Variants in MAP2K5 observed in about 807,000 individuals in gnomAD.
MAP2K5 encodes dual specificity mitogen-activated protein kinase kinase 5.
MAP2K5 carries 49 observed loss-of-function variants against 83.1 expected under a neutral mutation model. The observed-to-expected ratio is 0.59, with a 90% CI of 0.47 to 0.75. MAP2K5 has a LOEUF of 0.75. Ranked by LOEUF, MAP2K5 falls within the 30% of genes least tolerant of loss-of-function variation. The pLI is 0.00. For missense variants in MAP2K5, 457 were observed against 557.5 expected, an observed-to-expected ratio of 0.82 and a Z score of 1.82; for synonymous variants, 202 against 191.8, an observed-to-expected ratio of 1.05 and a Z score of -0.44.
chr15:67,788,505 A>T (rs2090457875), intron 21 of MAP2K5, among the ~76,000 whole-genome samples: 1 of 152,206 alleles, frequency 6.6e-6, no homozygotes, highest in Admixed American at 6.5e-5. Context: ...AAACTTTAGT[A>T]CCCACTGCAT....
intron 14 of MAP2K5, 125 bp from the exon 15 acceptor site, chr15:67,693,393 G>T (rs2088164954): frequency 4.1e-6 from 3 of 724,904 alleles, no homozygotes; most frequent in African/African-American, 1.8e-5. Flanking sequence ...AGATAAATTT[G>T]TTCCCTTTTA....
At chr15:67,691,879 C>G (rs912162237) in intron 13 of MAP2K5, among the ~76,000 whole-genome samples, 8 of 152,172 alleles carry the variant, frequency 5.3e-5, no homozygotes, top group Non-Finnish European at 1.2e-4. Flanking sequence ...TAAGCACATG[C>G]ATGTACACAT....
rs2086381003 is a variant in MAP2K5, at chr15:67,628,518, G to C, written c.546-2370G>C. ...ATAAAAAATAAAAAAAAGACACTGAGGAATATCACCTAAGAGATTATTTTG... is the reference window on the plus strand; with the variant it reads ...ATAAAAAATAAAAAAAAGACACTGACGAATATCACCTAAGAGATTATTTTG... On this transcript the variant is annotated intron_variant, in intron 8 of 21. Transcript: ENST00000178640. The C allele has an allele frequency of 1.1e-5, 8 of 750,194 alleles. No individual in the cohort carries two copies. The Admixed American group carries it at 1.1e-4, about 10-fold the overall frequency. The allele number at this position is 750,194 out of a possible 1,614,324, so 46.5% of individuals were successfully genotyped here.
intron 12 of MAP2K5, chr15:67,658,846 G>T (rs1171782586): frequency 3.4e-6 from 2 of 579,820 alleles, no homozygotes; most frequent in Non-Finnish European, 6.5e-6. Flanking sequence ...TGTTTGCAGG[G>T]ACCTTGGTAT....
At chr15:67,549,931 T>G (rs2084473615) in intron 1 of MAP2K5, 103 bp from the exon 2 acceptor site, 1 of 834,934 alleles carries the variant, frequency 1.2e-6, no homozygotes, top group African/African-American at 1.7e-5. Flanking sequence ...TATGCTAACG[T>G]TTCAAAAATC....
chr15:67,681,671 T>A (rs2087821272), intron 13 of MAP2K5, among the ~76,000 whole-genome samples: 1 of 152,224 alleles, frequency 6.6e-6, no homozygotes, highest in African/African-American at 2.4e-5. Context: ...AACTTGATAT[T>A]TTTAATGCAA....
intron 13 of MAP2K5, among the ~76,000 whole-genome samples, chr15:67,684,699 T>TA (rs2087906969): frequency 1.3e-5 from 2 of 152,102 alleles, no homozygotes; most frequent in South Asian, 4.1e-4. Context: ...ATAGTTATTA[T>TA]AAAAACTATA....
At chr15:67,653,311 G>A (rs1596728230) in intron 11 of MAP2K5, among the ~76,000 whole-genome samples, 1 of 147,276 alleles carries the variant, frequency 6.8e-6, no homozygotes, top group Middle Eastern at 3.4e-3. Flanking sequence ...TTGAGACGGA[G>A]TTCTGCTCTT....
At chr15:67,667,825 G>A (rs1055672694) in intron 13 of MAP2K5, among the ~76,000 whole-genome samples, 2 of 152,118 alleles carry the variant, frequency 1.3e-5, no homozygotes, top group Non-Finnish European at 2.9e-5. Context: ...TAAATAAGTA[G>A]TATATTACAG....
intron 8 of MAP2K5, among the ~76,000 whole-genome samples, chr15:67,612,076 T>TC (rs201144707): frequency 0.12 from 17,447 of 147,954 alleles, 1,116 homozygotes; most frequent in East Asian, 0.2. Context: ...TGGTTTTCTT[T>TC]TTTTTTTTTT....
In MAP2K5 at chr15:67,745,183, C is replaced by T. The variant is rs74780666; in HGVS notation, c.1075-3048C>T. ...TTAGACATAGAAAACACTCAACACA[C>T]GCAAAATGTATAAGCAGGAATGAGG... On this transcript the variant is annotated intron_variant, in intron 17 of 21. Coordinates refer to ENST00000178640, the MANE Select transcript of MAP2K5 (RefSeq NM_145160.3). Among the ~76,000 whole-genome samples, 390 of 152,274 alleles carry T rather than the reference C, an allele frequency of 2.6e-3. 14 individuals carry two copies. In the East Asian group the frequency reaches 0.066, roughly 26 times the overall value.
intron 8 of MAP2K5, among the ~76,000 whole-genome samples, chr15:67,612,755 G>A (rs977165755): frequency 2.0e-5 from 3 of 152,160 alleles, no homozygotes; most frequent in Non-Finnish European, 2.9e-5. Context: ...TAGCTGCAGC[G>A]AAAGTAAATA....
rs1287339273 is a variant in MAP2K5 at position 67,779,743 on chromosome 15, G to A, written c.1242+6991G>A. ...GTTTTATTGGACTGTCATCTTCCTA[G>A]TATCTTGTTTCAAGGCACAGTGAAG... On this transcript the variant is annotated intron_variant, in intron 21 of 21. Transcript: ENST00000178640. This position sits in a 1 kb window ranked among gnomAD's most constrained non-coding sequence, Gnocchi z 4.6. 6.6e-6 allele frequency among the ~76,000 whole-genome samples: 1 copy of A among 152,120 alleles called. No homozygotes were observed. Among genetic ancestry groups the A allele is most frequent in the Non-Finnish European group, 1.5e-5 (1 of 68,032 alleles).
rs1473186038 is a variant in MAP2K5, at chr15:67,573,775, A to C, written c.253-6979A>C. ...ATATCTTAAGAACAAAAGCATTCTG[A>C]GTTTTGCTTTAAAGATAATATCTTT... On this transcript the variant is annotated intron_variant, in intron 3 of 21. Coordinates refer to ENST00000178640, the MANE Select transcript of MAP2K5 (RefSeq NM_145160.3). The surrounding 1 kb of genome is among the most constrained non-coding windows in gnomAD (Gnocchi z 4.2). 6.6e-6 allele frequency among the ~76,000 whole-genome samples: 1 copy of C among 152,176 alleles called. No individual in the cohort carries two copies. Among genetic ancestry groups the C allele is most frequent in the Admixed American group, 6.5e-5 (1 of 15,282 alleles).
At chr15:67,772,794 T>C in intron 21 of MAP2K5, 42 bp downstream of exon 21, 3 of 1,487,266 alleles carry the variant, frequency 2.0e-6, no homozygotes, top group Non-Finnish European at 1.9e-6. Context: ...CTCAGTTATA[T>C]ATTTATGTTT....
chr15:67,663,911 C>A (rs535331305), intron 12 of MAP2K5, among the ~76,000 whole-genome samples: 1 of 152,202 alleles, frequency 6.6e-6, no homozygotes, highest in South Asian at 2.1e-4. Context: ...AGTGTCATGA[C>A]TTCAAAAAAA....
chr15:67,780,189 T>C lies in MAP2K5; in HGVS notation c.1242+7437T>C, dbSNP rs3784711. 0.43 allele frequency among the ~76,000 whole-genome samples: 65,567 copies of C among 151,840 alleles called. 14,734 individuals are homozygous for C. The highest frequency in any genetic ancestry group is 0.7 in the East Asian group (3,621 of 5,168). ...CTCAACACTAGCAGCTCATCAGAGT[T>C]ACCTCAGAGGTTTAAAAGGCTAAAG... On this transcript the variant is annotated intron_variant, in intron 21 of 21. Transcript: ENST00000178640. This position sits in a 1 kb window ranked among gnomAD's most constrained non-coding sequence, Gnocchi z 5.0.
intron 1 of MAP2K5, chr15:67,549,182 T>C: frequency 6.5e-7 from 1 of 1,535,650 alleles, no homozygotes; most frequent in South Asian, 1.2e-5. Flanking sequence ...GGACTGGACA[T>C]GATGGAGGGT....
intron 3 of MAP2K5, among the ~76,000 whole-genome samples, chr15:67,571,910 C>T (rs1045636865): frequency 4.6e-5 from 7 of 152,012 alleles, no homozygotes; most frequent in Non-Finnish European, 7.4e-5. Context: ...GTGCAGTGAG[C>T]GTACAGTTCA....
Sources: allele counts gnomAD v4.1 joint callset (sites outside exome capture counted in the v4.1 genomes callset), GRCh38; gene constraint gnomAD v4.1.1; non-coding constraint Gnocchi (gnomAD v3.1); transcripts MANE v1.5; gene names NCBI Gene and HGNC (gene_info 2026-07-23, HGNC 2026-07-21).